Variants in TMC5 observed in about 807,000 individuals in gnomAD.
TMC5 encodes transmembrane channel-like protein 5.
A neutral mutation model predicts 110.5 loss-of-function variants in TMC5; 86 were observed. That is an observed-to-expected ratio of 0.78 (90% confidence interval 0.65 to 0.93). The LOEUF (loss-of-function observed/expected upper bound fraction) is 0.93, where lower values mean the gene tolerates loss of function less well. Among genes scored for constraint, TMC5 ranks in the 40% least tolerant of loss-of-function variants. The probability of loss-of-function intolerance (pLI) is 0.00; values close to 1 mark genes in which losing one functional copy is unlikely to be tolerated. For missense variants in TMC5, 1,144 were observed against 1,222.8 expected, an observed-to-expected ratio of 0.94 and a Z score of 0.96; for synonymous variants, 455 against 439.5, an observed-to-expected ratio of 1.04 and a Z score of -0.44.
chr16:19,497,615 T>C (rs1597225978), intron 21 of TMC5, among the ~76,000 whole-genome samples: 1 of 152,160 alleles, frequency 6.6e-6, no homozygotes, highest in East Asian at 1.9e-4. Context: ...ATGCAGGTGG[T>C]GCAACCATGA....
At chr16:19,444,906 A>T (rs899537275) in intron 4 of TMC5, among the ~76,000 whole-genome samples, 1 of 152,204 alleles carries the variant, frequency 6.6e-6, no homozygotes, top group African/African-American at 2.4e-5. Context: ...CGAGGCGGGC[A>T]GATCACCTGA....
At chr16:19,420,897 C>T (rs1028206531) in intron 1 of TMC5, among the ~76,000 whole-genome samples, 8 of 152,170 alleles carry the variant, frequency 5.3e-5, no homozygotes, top group African/African-American at 1.9e-4. Context: ...AGTGGCTTTC[C>T]AAAGGAGAAA....
upstream of TMC5, among the ~76,000 whole-genome samples, chr16:19,415,431 G>A (rs1453326914): frequency 1.3e-5 from 2 of 152,112 alleles, no homozygotes; most frequent in African/African-American, 4.8e-5. Flanking sequence ...CAGATGGGGT[G>A]GGGTTGGGGT....
chr16:19,448,329 T>G (rs1234915020), intron 4 of TMC5, among the ~76,000 whole-genome samples: 1 of 148,120 alleles, frequency 6.8e-6, no homozygotes, highest in African/African-American at 2.6e-5. Flanking sequence ...CACACACACT[T>G]TTTTACTGGG....
intron 2 of TMC5, among the ~76,000 whole-genome samples, chr16:19,432,973 TTGTA>T (rs1176172204): frequency 3.3e-5 from 5 of 152,114 alleles, no homozygotes; most frequent in African/African-American, 1.2e-4. Context: ...TATACATAAA[TTGTA>T]TGGATATCTT....
At chr16:19,479,968 C>A (rs1597209920) in intron 14 of TMC5, among the ~76,000 whole-genome samples, 1 of 150,394 alleles carries the variant, frequency 6.6e-6, no homozygotes, top group African/African-American at 2.4e-5. Context: ...AAGAAAAAGG[C>A]AAAGAAAGAA....
upstream of TMC5, among the ~76,000 whole-genome samples, chr16:19,416,592 G>A (rs1966878306): frequency 1.3e-5 from 2 of 152,192 alleles, no homozygotes; most frequent in African/African-American, 4.8e-5. Context: ...GGTTAATGGG[G>A]AGGAAATTGA....
In TMC5 at chr16:19,439,978, C is replaced by A; in HGVS notation, c.-61C>A. On this transcript the variant is annotated 5_prime_UTR_variant, in exon 3 of 22. Coordinates refer to ENST00000542583, the MANE Select transcript of TMC5 (RefSeq NM_001261841.2). ...TTTTCAGGTGAAAAAAAAAAAAGAT[C>A]CCTGAGTAATTGCAAATGCTGGGAC... 2.2e-6 allele frequency: 3 copies of A among 1,350,712 alleles called. No individual in the cohort carries two copies. Among genetic ancestry groups the A allele is most frequent in the Non-Finnish European group, 3.0e-6 (3 of 986,070 alleles). The allele number at this position is 1,350,712 out of a possible 1,614,324, so 83.7% of individuals were successfully genotyped here.
chr16:19,410,988 T>C (rs1453418922), exon 1 of TMC5: 7 of 152,286 alleles, frequency 4.6e-5, no homozygotes, highest in African/African-American at 1.4e-4. Context: ...GGCGCCGGAA[T>C]TGGGGAGCAC....
chr16:19,454,435 G>A (rs1403432940), intron 5 of TMC5, among the ~76,000 whole-genome samples: 2 of 152,178 alleles, frequency 1.3e-5, no homozygotes, highest in Non-Finnish European at 2.9e-5. Context: ...AGAGCAATCC[G>A]GATTTGACCC....
intron 5 of TMC5, chr16:19,456,734 A>C (rs750618252): frequency 6.2e-7 from 1 of 1,610,770 alleles, no homozygotes; most frequent in Non-Finnish European, 8.5e-7. Flanking sequence ...CGTGAATGAA[A>C]TCATCATACA....
At position 19,445,244 on chromosome 16, in the gene TMC5, A is replaced by G. The variant is rs1480964170; in HGVS notation, c.958+994A>G. Among the ~76,000 whole-genome samples the G allele has an allele frequency of 4.0e-5, 6 of 151,178 alleles. No individual in the cohort carries two copies. In the East Asian group the frequency reaches 1.2e-3, roughly 29 times the overall value. On this transcript the variant is annotated intron_variant, in intron 4 of 21. Coordinates refer to ENST00000542583, the MANE Select transcript of TMC5 (RefSeq NM_001261841.2). The stretch of plus-strand genomic sequence containing the variant: ...GATAAGATGCTTAGCTCCAGGAGGC[A>G]AAGGAAATTCTAAACAGTTTTTTTT...
intron 6 of TMC5, 136 bp from the exon 7 acceptor site, chr16:19,463,144 A>G (rs1188613290): frequency 1.2e-5 from 8 of 679,096 alleles, no homozygotes; most frequent in Non-Finnish European, 2.1e-5. Flanking sequence ...CTGGTCTTGA[A>G]CTCCTGGCCT....
chr16:19,444,024 G>GATGGATGGATGGATGGATGA (rs1467483891), intron 3 of TMC5, 57 bp from the exon 4 acceptor site: 2 of 1,164,496 alleles, frequency 1.7e-6, no homozygotes, highest in African/African-American at 3.0e-5. Context: ...TGGATGGATG[G>GATGGATGGATGGATGGATGA]ATGACAATCC....
Position 19,457,151 on chromosome 16 carries a change from A to G in TMC5, c.1049-3084A>G, listed in dbSNP as rs1597186898. 5 of 728,666 alleles carry G rather than the reference A, an allele frequency of 6.9e-6. No homozygotes were observed. In the East Asian group the frequency reaches 1.4e-4, roughly 20 times the overall value. 45.1% of individuals were successfully genotyped at this position (728,666 alleles called of 1,614,324 possible). On this transcript the variant is annotated intron_variant, in intron 5 of 21. Transcript: ENST00000542583. ...ACACCTATAATCCTACGGCTTTGGGAGGCCAAGATAAGAGGAACACTTGAG... is the reference window on the plus strand; with the variant it reads ...ACACCTATAATCCTACGGCTTTGGGGGGCCAAGATAAGAGGAACACTTGAG...
intron 6 of TMC5, among the ~76,000 whole-genome samples, chr16:19,463,064 A>G (rs1968068717): frequency 6.6e-6 from 1 of 152,026 alleles, no homozygotes. Flanking sequence ...GGCAGGCACT[A>G]CCAACACACC....
At chr16:19,449,954 T>C (rs1173572851) in intron 5 of TMC5, among the ~76,000 whole-genome samples, 2 of 152,184 alleles carry the variant, frequency 1.3e-5, no homozygotes, top group Non-Finnish European at 2.9e-5. Context: ...TGTCTATAAA[T>C]TATGCAGTCT....
intron 13 of TMC5, 91 bp from the exon 14 acceptor site, chr16:19,479,340 T>A (rs1265617954): frequency 1.0e-6 from 1 of 953,526 alleles, no homozygotes; most frequent in African/African-American, 1.6e-5. Flanking sequence ...CCATTAGCTA[T>A]GTCCTGATGG....
At chr16:19,412,270 C>G (rs1344634013) in intron 1 of TMC5, among the ~76,000 whole-genome samples, 1 of 151,230 alleles carries the variant, frequency 6.6e-6, no homozygotes, top group East Asian at 1.9e-4. Flanking sequence ...GGGGGTCTCA[C>G]TATGTTGCCC....
Sources: gnomAD v4.1 joint callset for allele counts (sites outside exome capture counted in the v4.1 genomes callset) on GRCh38, gnomAD v4.1.1 for gene constraint, MANE v1.5 for transcripts, NCBI Gene and HGNC (gene_info 2026-07-23, HGNC 2026-07-21) for gene names.